ZNF354B: variants seen among roughly 807,000 people sequenced by gnomAD.
ZNF354B encodes zinc finger protein 354B.
In ZNF354B, 10 loss-of-function variants were observed where a neutral mutation model predicts 12.9. That is an observed-to-expected ratio of 0.77 (90% confidence interval 0.48 to 1.31). The LOEUF (loss-of-function observed/expected upper bound fraction) is 1.31, where lower values mean the gene tolerates loss of function less well. ZNF354B is among the 40% of genes most tolerant of loss of function. ZNF354B has a pLI of 0.00. For missense variants in ZNF354B, 614 were observed against 711.7 expected, an observed-to-expected ratio of 0.86 and a Z score of 1.56; for synonymous variants, 260 against 243.7, an observed-to-expected ratio of 1.07 and a Z score of -0.62.
At chr5:178,874,609 T>C (rs913492598) in intron 4 of ZNF354B, among the ~76,000 whole-genome samples, 6 of 152,212 alleles carry the variant, frequency 3.9e-5, no homozygotes, top group Non-Finnish European at 7.3e-5. Context: ...TTTCTTATCA[T>C]GGCCATTTTG....
Position 178,883,690 on chromosome 5 carries a change from A to G in ZNF354B, c.1238A>G (p.Asn413Ser), listed in dbSNP as rs778653441. The G allele has an allele frequency of 1.4e-5, 23 of 1,614,036 alleles. No homozygotes were observed. Among genetic ancestry groups the G allele is most frequent in the East Asian group, 2.2e-5 (1 of 44,876 alleles). The change falls in exon 5 of 5, where the codon AAT becomes AGT. Residue 413 changes from asparagine to serine, a missense_variant. By Grantham distance (46) the Asn-to-Ser change is conservative. Coordinates refer to ENST00000322434, the MANE Select transcript of ZNF354B (RefSeq NM_058230.3). ...IHTGEKPYRC[N>S]ECGKGFTSIS... Reference sequence around the variant, plus strand: ...ACCGGAGAAAAGCCCTATAGATGCAATGAATGTGGGAAAGGCTTTACTTCT... The same window carrying G: ...ACCGGAGAAAAGCCCTATAGATGCAGTGAATGTGGGAAAGGCTTTACTTCT...
At chr5:178,861,350 A>G (rs763709563) in intron 2 of ZNF354B, among the ~76,000 whole-genome samples, 4 of 152,250 alleles carry the variant, frequency 2.6e-5, no homozygotes, top group African/African-American at 9.6e-5. Flanking sequence ...TCTGTCACTA[A>G]GAGCAAACGT....
At chr5:178,878,150 G>C (rs1023833272) in intron 4 of ZNF354B, among the ~76,000 whole-genome samples, 2 of 152,098 alleles carry the variant, frequency 1.3e-5, no homozygotes, top group Admixed American at 6.5e-5. Flanking sequence ...TTGGGAGGCC[G>C]AGGCGGGCGG....
intron 1 of ZNF354B, 126 bp from the exon 2 acceptor site, chr5:178,860,871 C>T (rs919565797): frequency 2.1e-6 from 1 of 480,816 alleles, no homozygotes; most frequent in Non-Finnish European, 3.8e-6. Context: ...CCGCGGGCTC[C>T]TGGCTCCTCC....
chr5:178,878,582 T>A (rs1386215853), intron 4 of ZNF354B, among the ~76,000 whole-genome samples: 3 of 152,214 alleles, frequency 2.0e-5, no homozygotes, highest in Non-Finnish European at 4.4e-5. Context: ...CTTTCCTTTC[T>A]TTCCTGTTCT....
intron 4 of ZNF354B, among the ~76,000 whole-genome samples, chr5:178,874,565 T>G (rs79624539): frequency 0.021 from 3,202 of 152,322 alleles, 115 homozygotes; most frequent in African/African-American, 0.072. Context: ...ATTCTTGTAG[T>G]ATGTTTTTGA....
intron 4 of ZNF354B, among the ~76,000 whole-genome samples, chr5:178,868,520 C>G (rs1223445580): frequency 1.3e-5 from 2 of 151,758 alleles, no homozygotes; most frequent in Non-Finnish European, 2.9e-5. Context: ...GGTGAACACA[C>G]TCATTGCACA....
intron 4 of ZNF354B, among the ~76,000 whole-genome samples, chr5:178,871,105 T>C (rs1757556899): frequency 6.6e-6 from 1 of 152,190 alleles, no homozygotes; most frequent in South Asian, 2.1e-4. Flanking sequence ...AAATCAACCA[T>C]ATTGCTTCTG....
chr5:178,876,543 C>G (rs1180902974), intron 4 of ZNF354B, among the ~76,000 whole-genome samples: 1 of 152,200 alleles, frequency 6.6e-6, no homozygotes, highest in Non-Finnish European at 1.5e-5. Context: ...TTGATGGCAT[C>G]CTACATGGCC....
At chr5:178,873,769 T>C (rs1757596066) in intron 4 of ZNF354B, among the ~76,000 whole-genome samples, 1 of 152,206 alleles carries the variant, frequency 6.6e-6, no homozygotes, top group African/African-American at 2.4e-5. Flanking sequence ...AGAATAATCA[T>C]CAATCTCTAC....
intron 4 of ZNF354B, among the ~76,000 whole-genome samples, chr5:178,878,753 A>G (rs1365482691): frequency 1.3e-5 from 2 of 152,186 alleles, no homozygotes; most frequent in East Asian, 1.9e-4. Flanking sequence ...CCCAGGCTGG[A>G]GTGCAGTGGC....
Position 178,883,304 on chromosome 5 carries a change from C to G in ZNF354B, c.852C>G (p.Ser284=). Residue 284 remains serine (S), a synonymous_variant, in exon 5 of 5, where the codon TCC becomes TCG. Coordinates refer to ENST00000322434, the MANE Select transcript of ZNF354B (RefSeq NM_058230.3). ...GGAAAGCCTTCAGCCATAGTGCATCCCTTTGTAAGCATTTAAGGACCCATA... is the reference window on the plus strand; with the variant it reads ...GGAAAGCCTTCAGCCATAGTGCATCGCTTTGTAAGCATTTAAGGACCCATA... The part of the protein sequence containing the change: ...ECGKAFSHSA[S]LCKHLRTHTV... 1.2e-6 allele frequency: 2 copies of G among 1,611,112 alleles called. No individual in the cohort carries two copies. The highest frequency in any genetic ancestry group is 2.7e-5 in the African/African-American group (2 of 74,418).
At position 178,880,502 on chromosome 5, in the gene ZNF354B, CT is replaced by C. The variant is rs567348591; in HGVS notation, c.257-2191del. On this transcript the variant is annotated intron_variant, in intron 4 of 4. Coordinates refer to ENST00000322434, the MANE Select transcript of ZNF354B (RefSeq NM_058230.3). ...TGTGAGCCACTGCACCCGGCCTCCTCTTTTTTTTTTTTTTTTAAAGACAGGG... is the reference window on the plus strand; with the variant it reads ...TGTGAGCCACTGCACCCGGCCTCCTCTTTTTTTTTTTTTTTAAAGACAGGG... Among the ~76,000 whole-genome samples the C allele has an allele frequency of 6.8e-3, 936 of 138,298 alleles. 3 individuals carry two copies. Among genetic ancestry groups the C allele is most frequent in the Admixed American group, 0.01 (140 of 13,610 alleles). The allele number at this position is 138,298 out of a possible 152,430, so 90.7% of individuals were successfully genotyped here. A position where few individuals can be genotyped will look rare whatever the true frequency, so the allele number is the denominator to read the frequency against.
intron 4 of ZNF354B, among the ~76,000 whole-genome samples, chr5:178,874,943 G>T (rs534136779): frequency 6.6e-6 from 1 of 152,292 alleles, no homozygotes; most frequent in Non-Finnish European, 1.5e-5. Flanking sequence ...TTTATGCAGG[G>T]TGTTTATTTG....
chr5:178,879,266 C>T lies in ZNF354B; in HGVS notation c.257-3443C>T, dbSNP rs190358246. 5.9e-3 allele frequency among the ~76,000 whole-genome samples: 889 copies of T among 151,742 alleles called. 2 individuals are homozygous for T. Among genetic ancestry groups the T allele is most frequent in the South Asian group, 0.01 (49 of 4,798 alleles). On this transcript the variant is annotated intron_variant, in intron 4 of 4. Coordinates refer to ENST00000322434, the MANE Select transcript of ZNF354B (RefSeq NM_058230.3). ...TTCACCATGTTGGTTAGGCTGGTCTCAAACTCCTGACCTTAAGAGATCTCC... is the reference window on the plus strand; with the variant it reads ...TTCACCATGTTGGTTAGGCTGGTCTTAAACTCCTGACCTTAAGAGATCTCC...
chr5:178,883,339 A>AATGCT lies in ZNF354B; in HGVS notation c.890_894dup (p.Arg299AlafsTer134). On this transcript the variant is annotated frameshift_variant, in exon 5 of 5. Coordinates refer to ENST00000322434, the MANE Select transcript of ZNF354B (RefSeq NM_058230.3). LOFTEE classifies it low-confidence loss of function (END_TRUNC). ...CATTTAAGGACCCATACTGTGGAGA[A>AATGCT]ATGCTATAGATGTAAAGAATGTGGT... The AATGCT allele has an allele frequency of 6.2e-7, 1 of 1,614,088 alleles. No homozygotes were observed. The highest frequency in any genetic ancestry group is 8.5e-7 in the Non-Finnish European group (1 of 1,179,994).
Position 178,861,089 on chromosome 5 carries a change from A to G in ZNF354B, c.33+9A>G, listed in dbSNP as rs1757338801. On this transcript the variant is annotated intron_variant, in intron 2 of 4. Transcript: ENST00000322434. ...GGGAAGCGAGGCCCCAGGTGAGCTCATTGCCCTCCCAGATCCCAGTGGATG... is the reference window on the plus strand; with the variant it reads ...GGGAAGCGAGGCCCCAGGTGAGCTCGTTGCCCTCCCAGATCCCAGTGGATG... The G allele has an allele frequency of 9.8e-7, 1 of 1,015,962 alleles. No individual in the cohort carries two copies. Among genetic ancestry groups the G allele is most frequent in the Non-Finnish European group, 1.5e-6 (1 of 667,676 alleles). The allele number at this position is 1,015,962 out of a possible 1,614,324, so 62.9% of individuals were successfully genotyped here.
At chr5:178,864,182 T>G (rs1757409944) in intron 2 of ZNF354B, among the ~76,000 whole-genome samples, 1 of 152,242 alleles carries the variant, frequency 6.6e-6, no homozygotes, top group Admixed American at 6.5e-5. Context: ...CGACTTCCAG[T>G]CCTGGAAGCT....
At position 178,884,384 on chromosome 5, in the gene ZNF354B, A is replaced by G. The variant is rs1757770974; in HGVS notation, c.*93A>G. 3.0e-6 allele frequency: 4 copies of G among 1,329,560 alleles called. No homozygotes were observed. The East Asian group carries it at 9.7e-5, about 32-fold the overall frequency. 82.4% of individuals were successfully genotyped at this position (1,329,560 alleles called of 1,614,324 possible). A position where few individuals can be genotyped will look rare whatever the true frequency, so the allele number is the denominator to read the frequency against. On this transcript the variant is annotated 3_prime_UTR_variant, in exon 5 of 5. Coordinates refer to ENST00000322434, the MANE Select transcript of ZNF354B (RefSeq NM_058230.3). ...AGAAAACTCTTAGTTCTCATCAGATACTAAGTTTTAAGAATAAACTTTAGC... is the reference window on the plus strand; with the variant it reads ...AGAAAACTCTTAGTTCTCATCAGATGCTAAGTTTTAAGAATAAACTTTAGC...
Sources: gnomAD v4.1 joint callset for allele counts (sites outside exome capture counted in the v4.1 genomes callset) on GRCh38, gnomAD v4.1.1 for gene constraint, MANE v1.5 for transcripts, NCBI Gene and HGNC (gene_info 2026-07-23, HGNC 2026-07-21) for gene names.